Variants in AFDN observed in about 807,000 individuals in gnomAD.
AFDN encodes afadin, adherens junction formation factor.
Under a neutral mutation model 216.6 loss-of-function variants are expected in AFDN, and 68 were observed. That is an observed-to-expected ratio of 0.31 (90% CI 0.26 to 0.38). AFDN has a LOEUF of 0.38. Among genes scored for constraint, AFDN ranks in the 10% least tolerant of loss-of-function variants. AFDN has a pLI of 1.00. For synonymous variants in AFDN, 868 were observed against 853.7 expected, an observed-to-expected ratio of 1.02 and a Z score of -0.29; for missense variants, 2,136 against 2,342.0, an observed-to-expected ratio of 0.91 and a Z score of 1.82.
At chr6:167,845,335 G>A (rs1194037209) in intron 1 of AFDN, among the ~76,000 whole-genome samples, 1 of 151,844 alleles carries the variant, frequency 6.6e-6, no homozygotes, top group Non-Finnish European at 1.5e-5. Context: ...CAGTCATTTT[G>A]GTCTTCTGAT....
intron 1 of AFDN, among the ~76,000 whole-genome samples, chr6:167,829,625 A>T (rs1163969515): frequency 6.6e-6 from 1 of 152,004 alleles, no homozygotes; most frequent in Non-Finnish European, 1.5e-5. Context: ...GTATTTATTT[A>T]CTTGGGTAAT....
At chr6:167,963,271 C>T (rs1583070274) in intron 31 of AFDN, 1 of 1,063,676 alleles carries the variant, frequency 9.4e-7, no homozygotes, top group Non-Finnish European at 1.1e-6. Context: ...GATGAAGAGG[C>T]TGTAGCCGTT....
chr6:167,971,706 C>T lies in AFDN; in HGVS notation c.*1771C>T, dbSNP rs1202380241. 5.0e-6 allele frequency: 1 copy of T among 200,860 alleles called. No individual in the cohort carries two copies. The highest frequency in any genetic ancestry group is 1.0e-5 in the Non-Finnish European group (1 of 97,758). The allele number at this position is 200,860 out of a possible 1,614,324, so 12.4% of individuals were successfully genotyped here. The stretch of plus-strand genomic sequence containing the variant: ...ACATGCAGATACATGTAAATATCTA[C>T]ATACAGGGATATTTGTATGTGTGGT... On this transcript the variant is annotated 3_prime_UTR_variant, in exon 34 of 34. Coordinates refer to ENST00000683244, the MANE Select transcript of AFDN (RefSeq NM_001386888.1).
chr6:167,943,961 G>T lies in AFDN; in HGVS notation c.3260G>T (p.Arg1087Ile). Residue 1087 changes from arginine (R) to isoleucine (I), a missense_variant, in exon 26 of 34, where the codon AGA (arginine) becomes ATA (isoleucine). Physicochemically the swap from Arg to Ile is moderately conservative, Grantham distance 97. Transcript: ENST00000683244. Reference sequence around the variant, plus strand: ...CCTAGGGCGGCAGAACTCATGACAAGAACAAGCTCTGTGGTGACACTGGAA... The same window carrying T: ...CCTAGGGCGGCAGAACTCATGACAATAACAAGCTCTGTGGTGACACTGGAA... ...SQERAAELMT[R>I]TSSVVTLEVA... 1.9e-6 allele frequency: 3 copies of T among 1,614,158 alleles called. No homozygotes were observed. The highest frequency in any genetic ancestry group is 2.5e-6 in the Non-Finnish European group (3 of 1,180,004).
At position 167,908,970 on chromosome 6, in the gene AFDN, C is replaced by T. The variant is rs538141486; in HGVS notation, c.1769+1681C>T. Among the ~76,000 whole-genome samples the T allele has an allele frequency of 6.6e-5, 10 of 152,104 alleles. No homozygotes were observed. The East Asian group carries it at 7.7e-4, about 12-fold the overall frequency. On this transcript the variant is annotated intron_variant, in intron 13 of 33. Transcript: ENST00000683244. Reference sequence around the variant, plus strand: ...AAAAAACCCTTTTGAATGGAGGGGACGACTTTTAATTGTCACTAAATTTTT... The same window carrying T: ...AAAAAACCCTTTTGAATGGAGGGGATGACTTTTAATTGTCACTAAATTTTT...
intron 32 of AFDN, among the ~76,000 whole-genome samples, chr6:167,966,839 C>T (rs1218419865): frequency 1.3e-5 from 2 of 152,200 alleles, no homozygotes; most frequent in African/African-American, 2.4e-5. Context: ...GGCTGCCTCA[C>T]GCCAGGGTCC....
At chr6:167,921,749 G>A (rs1052471212) in intron 21 of AFDN, among the ~76,000 whole-genome samples, 5 of 151,826 alleles carry the variant, frequency 3.3e-5, no homozygotes, top group Admixed American at 6.6e-5. Context: ...ACATGAGAAA[G>A]AGAAGCAAGT....
intron 1 of AFDN, among the ~76,000 whole-genome samples, chr6:167,864,058 C>A (rs866825045): frequency 6.6e-6 from 1 of 152,098 alleles, no homozygotes; most frequent in Non-Finnish European, 1.5e-5. Context: ...AGGCTTTTGA[C>A]CCTTGGAGCT....
At chr6:167,933,726 ATTTTGGCCT>A (rs1365544113) in intron 23 of AFDN, among the ~76,000 whole-genome samples, 3 of 152,250 alleles carry the variant, frequency 2.0e-5, no homozygotes, top group Non-Finnish European at 4.4e-5. Context: ...CTGGTTTATA[ATTTTGGCCT>A]AAGTGCTGAT....
intron 20 of AFDN, 32 bp downstream of exon 20, chr6:167,917,264 G>A: frequency 6.8e-7 from 1 of 1,470,862 alleles, no homozygotes. Context: ...ACCACACAGT[G>A]CGGGACATGT....
intron 23 of AFDN, among the ~76,000 whole-genome samples, chr6:167,938,434 T>C (rs914825942): frequency 3.3e-5 from 5 of 152,142 alleles, no homozygotes; most frequent in Non-Finnish European, 4.4e-5. Flanking sequence ...TGATTGGATT[T>C]AGAGAGACCA....
At chr6:167,930,169 C>T (rs766763741) in intron 23 of AFDN, among the ~76,000 whole-genome samples, 2 of 152,116 alleles carry the variant, frequency 1.3e-5, no homozygotes, top group Non-Finnish European at 2.9e-5. Flanking sequence ...TTCATCATTG[C>T]ACCCCAGCCC....
chr6:167,961,712 G>C (rs1797055045), intron 30 of AFDN, among the ~76,000 whole-genome samples: 1 of 152,220 alleles, frequency 6.6e-6, no homozygotes, highest in South Asian at 2.1e-4. Flanking sequence ...AGAATGGATT[G>C]TATTGACTGA....
rs1359177359 is a variant in AFDN, at chr6:167,951,083, A to G, written c.3832-103A>G. ...GGGCAGTCTCAGTCTCTTTCTGTAC[A>G]CTGATTTAACAGTTTTTCTTCTGTC... On this transcript the variant is annotated intron_variant, in intron 29 of 33. Coordinates refer to ENST00000683244, the MANE Select transcript of AFDN (RefSeq NM_001386888.1). This position sits in a 1 kb window ranked among gnomAD's most constrained non-coding sequence, Gnocchi z 7.1. 1 of 1,430,794 alleles carries G rather than the reference A, an allele frequency of 7.0e-7. No homozygotes were observed. The highest frequency in any genetic ancestry group is 1.4e-5 in the African/African-American group (1 of 69,540). 88.6% of individuals were successfully genotyped at this position (1,430,794 alleles called of 1,614,324 possible).
chr6:167,968,044 G>A (rs1169832495), intron 32 of AFDN, among the ~76,000 whole-genome samples: 3 of 152,148 alleles, frequency 2.0e-5, no homozygotes, highest in East Asian at 1.9e-4. Context: ...TCAGCTGAAG[G>A]TATTTGATAC....
At chr6:167,904,336 G>A (rs1023244044) in intron 12 of AFDN, among the ~76,000 whole-genome samples, 6 of 151,824 alleles carry the variant, frequency 4.0e-5, no homozygotes, top group Non-Finnish European at 5.9e-5. Flanking sequence ...TGCCTCCTGC[G>A]TAGCGGAGAT....
Position 167,929,497 on chromosome 6 carries a change from A to G in AFDN, c.3099+4406A>G, listed in dbSNP as rs112309101. Among the ~76,000 whole-genome samples, 609 of 152,308 alleles carry G rather than the reference A, an allele frequency of 4.0e-3. 5 individuals carry two copies. Among genetic ancestry groups the G allele is most frequent in the African/African-American group, 0.014 (580 of 41,560 alleles). Reference sequence around the variant, plus strand: ...TGCAAATTTGTGACTCCTGAATTAAACATGCTTCCCTCCCCCTCCTCAGGT... The same window carrying G: ...TGCAAATTTGTGACTCCTGAATTAAGCATGCTTCCCTCCCCCTCCTCAGGT... On this transcript the variant is annotated intron_variant, in intron 23 of 33. Transcript: ENST00000683244.
chr6:167,827,036 G>T lies in AFDN; in HGVS notation c.-97G>T, dbSNP rs1779156824. 6.9e-6 allele frequency: 3 copies of T among 434,206 alleles called. No individual in the cohort carries two copies. The highest frequency in any genetic ancestry group is 9.2e-6 in the Non-Finnish European group (3 of 325,230). 26.9% of individuals were successfully genotyped at this position (434,206 alleles called of 1,614,324 possible). The stretch of plus-strand genomic sequence containing the variant: ...AGCCGCGGAGGCGGAGGCGGCCGGC[G>T]GGGGGTGGCGAGGGGCGCCGGGCCC... On this transcript the variant is annotated 5_prime_UTR_variant, in exon 1 of 34. Transcript: ENST00000683244.
At chr6:167,946,425 A>T (rs1795272510) in intron 26 of AFDN, among the ~76,000 whole-genome samples, 1 of 152,140 alleles carries the variant, frequency 6.6e-6, no homozygotes. Context: ...TTTTTTTTAA[A>T]GATACTTTAA....
Sources: gnomAD v4.1 joint callset for allele counts (sites outside exome capture counted in the v4.1 genomes callset) on GRCh38, gnomAD v4.1.1 for gene constraint, Gnocchi (gnomAD v3.1) non-coding constraint, MANE v1.5 for transcripts, NCBI Gene and HGNC (gene_info 2026-07-23, HGNC 2026-07-21) for gene names.